HNF4A: variants seen among roughly 807,000 people sequenced by gnomAD.
HNF4A encodes the protein hepatocyte nuclear factor 4 alpha, also known as hepatocyte nuclear factor 4-alpha.
In HNF4A, 15 loss-of-function variants were observed where a neutral mutation model predicts 52.4. The ratio of observed to expected loss-of-function variants is 0.29; its 90% CI spans 0.19 to 0.44. HNF4A has a LOEUF of 0.44. HNF4A is among the 20% of genes least tolerant of loss of function. The probability of loss-of-function intolerance (pLI) is 1.00; values close to 1 mark genes in which losing one functional copy is unlikely to be tolerated. For missense variants in HNF4A, 479 were observed against 647.2 expected, an observed-to-expected ratio of 0.74 and a Z score of 2.82; for synonymous variants, 280 against 264.4, an observed-to-expected ratio of 1.06 and a Z score of -0.57.
chr20:44,361,659 A>G (rs1023512733), intron 1 of HNF4A, among the ~76,000 whole-genome samples: 1 of 152,022 alleles, frequency 6.6e-6, no homozygotes, highest in Non-Finnish European at 1.5e-5. Context: ...GCCTGGCGAC[A>G]GGAGTCAGAC....
At chr20:44,388,082 A>G (rs1239191979) in intron 1 of HNF4A, among the ~76,000 whole-genome samples, 1 of 144,226 alleles carries the variant, frequency 6.9e-6, no homozygotes, top group Non-Finnish European at 1.5e-5. Flanking sequence ...TCCTATATCC[A>G]CACATTAATT....
At chr20:44,358,899 A>G (rs2062888701) in intron 1 of HNF4A, among the ~76,000 whole-genome samples, 1 of 152,162 alleles carries the variant, frequency 6.6e-6, no homozygotes, top group Non-Finnish European at 1.5e-5. Context: ...GCAGGATTCT[A>G]AAGAGCTGCT....
At chr20:44,390,406 A>T (rs1369448392) in intron 1 of HNF4A, 1 of 522,840 alleles carries the variant, frequency 1.9e-6, no homozygotes, top group East Asian at 3.1e-5. Context: ...TTGGCTCTCT[A>T]GGAGCCCCTT....
chr20:44,364,095 C>T (rs963669421), intron 1 of HNF4A, among the ~76,000 whole-genome samples: 2 of 152,160 alleles, frequency 1.3e-5, no homozygotes, highest in African/African-American at 2.4e-5. Flanking sequence ...TGCAGGGTTC[C>T]CTTTGAGGGT....
chr20:44,407,822 G>A (rs2063524818), intron 3 of HNF4A, among the ~76,000 whole-genome samples: 1 of 151,302 alleles, frequency 6.6e-6, no homozygotes, highest in East Asian at 1.9e-4. Context: ...GTTAGGACAA[G>A]CATAGAGAAT....
chr20:44,424,367 G>A (rs1200200523), intron 8 of HNF4A, 113 bp downstream of exon 8: 2 of 1,532,572 alleles, frequency 1.3e-6, no homozygotes, highest in Non-Finnish European at 1.8e-6. Context: ...GCCGCTTTGG[G>A]CAAGTTGCTT....
At chr20:44,411,020 G>C (rs1016977047) in intron 3 of HNF4A, among the ~76,000 whole-genome samples, 1 of 152,174 alleles carries the variant, frequency 6.6e-6, no homozygotes, top group Non-Finnish European at 1.5e-5. Flanking sequence ...GGGTCAGTGG[G>C]CCAACAGCAG....
chr20:44,402,316 C>T (rs2071200), intron 1 of HNF4A, among the ~76,000 whole-genome samples: 54,937 of 151,934 alleles, frequency 0.36, 13,174 homozygotes, highest in African/African-American at 0.69. Flanking sequence ...AGAGCACATG[C>T]GTTTGTGCAT....
intron 3 of HNF4A, among the ~76,000 whole-genome samples, chr20:44,409,104 T>C (rs745658644): frequency 3.3e-5 from 5 of 152,160 alleles, no homozygotes; most frequent in African/African-American, 4.8e-5. Context: ...TGAGCTGTCT[T>C]GGAAAATCTG....
intron 1 of HNF4A, among the ~76,000 whole-genome samples, chr20:44,375,107 G>A (rs1348303140): frequency 6.6e-6 from 1 of 150,854 alleles, no homozygotes; most frequent in Non-Finnish European, 1.5e-5. Context: ...GGTATCTCAC[G>A]ATTTCATTTG....
chr20:44,368,160 A>ATATATATATATTTT (rs1200638153), intron 1 of HNF4A, among the ~76,000 whole-genome samples: 1 of 27,780 alleles, frequency 3.6e-5, no homozygotes, highest in African/African-American at 1.5e-4. Flanking sequence ...ATATATATAT[A>ATATATATATATTTT]TTTTTTTTTT....
At chr20:44,393,311 C>T (rs1010313320) in intron 1 of HNF4A, among the ~76,000 whole-genome samples, 3 of 152,256 alleles carry the variant, frequency 2.0e-5, no homozygotes, top group Non-Finnish European at 2.9e-5. Context: ...AGGCAGCCTG[C>T]GGAGAAGCTC....
chr20:44,356,412 T>C (rs1052633235), intron 1 of HNF4A, among the ~76,000 whole-genome samples: 2 of 152,120 alleles, frequency 1.3e-5, no homozygotes, highest in African/African-American at 4.8e-5. Context: ...AGAAAGCATG[T>C]GTTACTGAGA....
chr20:44,408,450 C>T (rs779961619), intron 3 of HNF4A, among the ~76,000 whole-genome samples: 7 of 152,128 alleles, frequency 4.6e-5, no homozygotes, highest in Non-Finnish European at 8.8e-5. Context: ...TGAGGCCAGG[C>T]GCAGTGAATC....
At chr20:44,416,053 G>A (rs1444854866) in intron 5 of HNF4A, among the ~76,000 whole-genome samples, 1 of 152,092 alleles carries the variant, frequency 6.6e-6, no homozygotes, top group African/African-American at 2.4e-5. Context: ...AACCTCCCTG[G>A]CTGGGGCTCA....
intron 2 of HNF4A, among the ~76,000 whole-genome samples, chr20:44,406,916 G>A (rs1256687330): frequency 2.6e-5 from 4 of 152,188 alleles, no homozygotes; most frequent in African/African-American, 7.2e-5. Flanking sequence ...CACTGGCAGA[G>A]CCAGGGTTAA....
At chr20:44,359,597 A>T (rs2062895640) in intron 1 of HNF4A, among the ~76,000 whole-genome samples, 1 of 152,166 alleles carries the variant, frequency 6.6e-6, no homozygotes, top group Non-Finnish European at 1.5e-5. Context: ...TCTCAGCCTC[A>T]GCACTGTTAA....
intron 1 of HNF4A, among the ~76,000 whole-genome samples, chr20:44,382,073 A>C (rs937900527): frequency 6.6e-6 from 1 of 152,180 alleles, no homozygotes; most frequent in Non-Finnish European, 1.5e-5. Context: ...AGAGCTTATG[A>C]TTTTAGCAAG....
chr20:44,434,519 G>GGT (rs1491095804), downstream of HNF4A: 3 of 102,496 alleles, frequency 2.9e-5, no homozygotes, highest in African/African-American at 1.4e-4. Flanking sequence ...GGACAAGCGC[G>GGT]GGGGGGGGGG....
Sources: gnomAD v4.1 joint callset for allele counts (sites outside exome capture counted in the v4.1 genomes callset) on GRCh38, gnomAD v4.1.1 for gene constraint, MANE v1.5 for transcripts, NCBI Gene and HGNC (gene_info 2026-07-23, HGNC 2026-07-21) for gene names.